Variants in SEL1L2 observed in about 807,000 individuals in gnomAD.
SEL1L2 encodes protein sel-1 homolog 2.
A neutral mutation model predicts 98.8 loss-of-function variants in SEL1L2; 89 were observed. The ratio of observed to expected loss-of-function variants is 0.90; its 90% CI spans 0.76 to 1.07. SEL1L2 has a LOEUF of 1.07. Ranked by LOEUF, SEL1L2 falls within the 50% of genes least tolerant of loss-of-function variation. SEL1L2 has a pLI of 0.00. For synonymous variants in SEL1L2, 262 were observed against 278.5 expected (o/e 0.94, Z 0.59); for missense variants, 788 against 812.0 (o/e 0.97, Z 0.36).
chr20:13,942,612 G>A lies in SEL1L2; in HGVS notation c.115-10841C>T, dbSNP rs2049831164. 2.6e-5 allele frequency among the ~76,000 whole-genome samples: 4 copies of A among 152,000 alleles called. No homozygotes were observed. In the South Asian group the frequency reaches 8.3e-4, roughly 32 times the overall value. ...GTTATTAGTACATGAGAGTGAAATT[G>A]AAGTCCAACATTAAATAATACAAAA... On this transcript the variant is annotated intron_variant, in intron 2 of 19. Coordinates refer to ENST00000284951, the MANE Select transcript of SEL1L2 (RefSeq NM_025229.2).
At chr20:13,959,860 C>A (rs902061218) in intron 1 of SEL1L2, among the ~76,000 whole-genome samples, 1 of 152,222 alleles carries the variant, frequency 6.6e-6, no homozygotes, top group Non-Finnish European at 1.5e-5. Context: ...CCCAAAACCA[C>A]AATTACTTTT....
At chr20:13,963,083 G>A (rs2050855195) in intron 1 of SEL1L2, among the ~76,000 whole-genome samples, 1 of 105,666 alleles carries the variant, frequency 9.5e-6, no homozygotes, top group African/African-American at 3.0e-5. Flanking sequence ...AAAAGAAGAG[G>A]AAGAAGAAGA....
intron 1 of SEL1L2, among the ~76,000 whole-genome samples, chr20:13,960,831 A>C (rs369480619): frequency 6.6e-6 from 1 of 152,308 alleles, no homozygotes. Context: ...TGAGGCTTTA[A>C]AAAATCTCCT....
intron 1 of SEL1L2, among the ~76,000 whole-genome samples, chr20:13,980,565 T>C (rs1425621124): frequency 1.3e-5 from 2 of 152,228 alleles, no homozygotes; most frequent in Non-Finnish European, 2.9e-5. Context: ...ACAGCCATTA[T>C]GTCAAACAAC....
chr20:13,985,277 A>C (rs1266236400), intron 1 of SEL1L2, among the ~76,000 whole-genome samples: 1 of 152,186 alleles, frequency 6.6e-6, no homozygotes, highest in African/African-American at 2.4e-5. Context: ...CTCCAGCCTC[A>C]TAAGTTGCTT....
intron 2 of SEL1L2, among the ~76,000 whole-genome samples, chr20:13,953,302 C>G (rs1234652654): frequency 6.6e-6 from 1 of 152,056 alleles, no homozygotes; most frequent in African/African-American, 2.4e-5. Flanking sequence ...CTCTTCTCAC[C>G]TTCAGGCTAT....
chr20:13,860,554 A>G (rs540130995), intron 17 of SEL1L2, among the ~76,000 whole-genome samples: 8 of 152,164 alleles, frequency 5.3e-5, no homozygotes, highest in African/African-American at 1.9e-4. Flanking sequence ...CTTCTACTGC[A>G]TGGGCTCTTT....
At chr20:13,850,944 G>A (rs1988141680) in intron 18 of SEL1L2, among the ~76,000 whole-genome samples, 1 of 152,068 alleles carries the variant, frequency 6.6e-6, no homozygotes, top group Non-Finnish European at 1.5e-5. Flanking sequence ...CAAATAGGGT[G>A]GAGAATAGGG....
chr20:13,886,397 A>G lies in SEL1L2; in HGVS notation c.791T>C (p.Val264Ala), dbSNP rs1365524195. The G allele has an allele frequency of 6.2e-7, 1 of 1,613,886 alleles. No homozygotes were observed. The highest frequency in any genetic ancestry group is 1.1e-5 in the South Asian group (1 of 91,060). Residue 264 changes from valine (V) to alanine (A), a missense_variant, in exon 9 of 20, where the codon GTG becomes GCG. Transcript: ENST00000284951. ...ATTTTCAGGTCTTTCCGTTAGTCTC[A>G]CTTTTTCCACTGGAACACCTTCACT... ...EKSEGVPVEK[V>A]RLTERPENLS...
At chr20:13,898,414 T>G (rs1037184662) in intron 5 of SEL1L2, among the ~76,000 whole-genome samples, 1 of 152,212 alleles carries the variant, frequency 6.6e-6, no homozygotes, top group East Asian at 1.9e-4. Context: ...AGAGTCTACA[T>G]TCTGTATAGT....
In SEL1L2 at chr20:13,851,859, C is replaced by A. The variant is rs190272402; in HGVS notation, c.1819-1540G>T. On this transcript the variant is annotated intron_variant, in intron 18 of 19. Transcript: ENST00000284951. ...ATGCTGTTAAAACTGTGTTTTTTTG[C>A]GGGGGGTGGGGGTGATGTCTTCTCT... Among the ~76,000 whole-genome samples, 732 of 149,344 alleles carry A rather than the reference C, an allele frequency of 4.9e-3. 6 individuals are homozygous for A. The highest frequency in any genetic ancestry group is 0.017 in the African/African-American group (681 of 40,430).
chr20:13,859,145 A>C, intron 18 of SEL1L2, 117 bp downstream of exon 18: 1 of 939,320 alleles, frequency 1.1e-6, no homozygotes, highest in Non-Finnish European at 1.6e-6. Flanking sequence ...GGCAAATGTT[A>C]AGTCCTCTCC....
chr20:13,921,226 G>A (rs571436004), intron 3 of SEL1L2, among the ~76,000 whole-genome samples: 22 of 152,310 alleles, frequency 1.4e-4, no homozygotes, highest in Non-Finnish European at 3.1e-4. Flanking sequence ...CGGTTGGAGT[G>A]CAGTGGTGCA....
chr20:13,874,102 A>AAGTATGGAG (rs1212503895), intron 12 of SEL1L2, among the ~76,000 whole-genome samples: 1 of 152,116 alleles, frequency 6.6e-6, no homozygotes, highest in African/African-American at 2.4e-5. Context: ...CAGATGACAA[A>AAGTATGGAG]AGTATGGAGA....
chr20:13,879,717 G>A (rs2046606223), intron 10 of SEL1L2, among the ~76,000 whole-genome samples: 1 of 152,166 alleles, frequency 6.6e-6, no homozygotes, highest in Admixed American at 6.5e-5. Flanking sequence ...ATCTATAAAT[G>A]TTAGGGAATC....
intron 2 of SEL1L2, among the ~76,000 whole-genome samples, chr20:13,932,357 C>T (rs759564963): frequency 3.6e-4 from 55 of 151,674 alleles, no homozygotes; most frequent in Non-Finnish European, 5.6e-4. Flanking sequence ...GATTTACCTA[C>T]ATAATTTTCT....
At chr20:13,883,218 C>T (rs1293632025) in intron 10 of SEL1L2, among the ~76,000 whole-genome samples, 1 of 152,120 alleles carries the variant, frequency 6.6e-6, no homozygotes, top group East Asian at 1.9e-4. Flanking sequence ...TGTGCTTACC[C>T]GCAAAGAGTA....
At chr20:13,855,865 T>C (rs1284730285) in intron 18 of SEL1L2, among the ~76,000 whole-genome samples, 3 of 152,242 alleles carry the variant, frequency 2.0e-5, no homozygotes, top group Non-Finnish European at 1.5e-5. Context: ...AGTCTTTGAC[T>C]AGGCAGGTGC....
At chr20:13,943,607 G>A (rs2148384247) in intron 2 of SEL1L2, among the ~76,000 whole-genome samples, 1 of 151,558 alleles carries the variant, frequency 6.6e-6, no homozygotes, top group East Asian at 1.9e-4. Flanking sequence ...CAAATATTTA[G>A]CAAGCACTTA....
Sources: allele counts gnomAD v4.1 joint callset (sites outside exome capture counted in the v4.1 genomes callset), GRCh38; gene constraint gnomAD v4.1.1; transcripts MANE v1.5; gene names NCBI Gene and HGNC (gene_info 2026-07-23, HGNC 2026-07-21).